CBFA2T3: variants seen among roughly 807,000 people sequenced by gnomAD.
The protein encoded by CBFA2T3 is CBFA2/RUNX1 partner transcriptional co-repressor 3.
A neutral mutation model predicts 58.6 loss-of-function variants in CBFA2T3; 31 were observed. The observed-to-expected ratio is 0.53, with a 90% CI of 0.40 to 0.71. CBFA2T3 has a LOEUF of 0.71. Among genes scored for constraint, CBFA2T3 ranks in the 30% least tolerant of loss-of-function variants. The probability of loss-of-function intolerance (pLI) is 0.00; values close to 1 mark genes in which losing one functional copy is unlikely to be tolerated. For synonymous variants in CBFA2T3, 531 were observed against 421.9 expected (o/e 1.26, Z -3.17); for missense variants, 1,076 against 963.1 (o/e 1.12, Z -1.55).
chr16:88,966,897 C>T (rs746361378), intron 1 of CBFA2T3, among the ~76,000 whole-genome samples: 56 of 152,354 alleles, frequency 3.7e-4, no homozygotes, highest in Admixed American at 9.1e-4. Flanking sequence ...CCCACACCCA[C>T]CCTGGACTCT....
chr16:88,899,135 G>A (rs987216123), intron 2 of CBFA2T3, among the ~76,000 whole-genome samples: 1 of 144,178 alleles, frequency 6.9e-6, no homozygotes, highest in African/African-American at 2.6e-5. Context: ...GGCTGTCACT[G>A]GGCAAGAGAA....
intron 1 of CBFA2T3, among the ~76,000 whole-genome samples, chr16:88,948,121 C>T (rs1011739013): frequency 2.0e-5 from 3 of 152,132 alleles, no homozygotes; most frequent in Admixed American, 6.5e-5. Context: ...TCGATCAGAA[C>T]GGGAGCTGTG....
chr16:88,972,570 G>A (rs1033186259), intron 1 of CBFA2T3, among the ~76,000 whole-genome samples: 3 of 152,224 alleles, frequency 2.0e-5, no homozygotes, highest in African/African-American at 7.2e-5. Context: ...TGACCCAGGA[G>A]GGATTCCAGG....
intron 5 of CBFA2T3, chr16:88,887,199 T>C (rs1026508336): frequency 6.6e-6 from 1 of 152,270 alleles, no homozygotes; most frequent in African/African-American, 2.4e-5. Flanking sequence ...TCCCCACGAG[T>C]GCATCCACCA....
In CBFA2T3 at chr16:88,891,944, G is replaced by A; in HGVS notation, c.649C>T (p.His217Tyr). ...TTGGTGGCCTCCTGAAGCTTGGAAT[G>A]AAACTCCTCGATCGTCAATGTCGAG... The part of the protein sequence containing the change: ...VNSTLTIEEF[H>Y]SKLQEATNFP... Residue 217 changes from histidine (H) to tyrosine (Y), a missense_variant, in exon 5 of 12, where the codon CAT (histidine) becomes TAT (tyrosine). Transcript: ENST00000268679. The A allele has an allele frequency of 1.9e-6, 3 of 1,613,346 alleles. No individual in the cohort carries two copies. The highest frequency in any genetic ancestry group is 2.2e-5 in the East Asian group (1 of 44,878).
intron 1 of CBFA2T3, among the ~76,000 whole-genome samples, chr16:88,928,013 C>T (rs1033648601): frequency 1.7e-4 from 26 of 152,318 alleles, no homozygotes; most frequent in Non-Finnish European, 3.1e-4. Flanking sequence ...CAGCGGCTCC[C>T]GGCACCCACC....
intron 1 of CBFA2T3, among the ~76,000 whole-genome samples, chr16:88,906,236 C>T (rs1970328360): frequency 6.6e-6 from 1 of 152,162 alleles, no homozygotes; most frequent in African/African-American, 2.4e-5. Flanking sequence ...ACAGGGGCAG[C>T]CTCGTCCTTC....
chr16:88,958,576 T>A lies in CBFA2T3; in HGVS notation c.151+18081A>T, dbSNP rs1243099585. Among the ~76,000 whole-genome samples the A allele has an allele frequency of 6.6e-6, 1 of 152,106 alleles. No homozygotes were observed. The highest frequency in any genetic ancestry group is 1.5e-5 in the Non-Finnish European group (1 of 67,998). ...GAAGCTGGTGGAGAGGTGTCCTTCCTATTTCTCAGATGGGGAGACTGAGGC... is the reference window on the plus strand; with the variant it reads ...GAAGCTGGTGGAGAGGTGTCCTTCCAATTTCTCAGATGGGGAGACTGAGGC... On this transcript the variant is annotated intron_variant, in intron 1 of 11. Coordinates refer to ENST00000268679, the MANE Select transcript of CBFA2T3 (RefSeq NM_005187.6). This position sits in a 1 kb window ranked among gnomAD's most constrained non-coding sequence, Gnocchi z 4.0.
intron 1 of CBFA2T3, chr16:88,941,174 C>A: frequency 1.0e-6 from 1 of 982,008 alleles, no homozygotes; most frequent in Non-Finnish European, 1.2e-6. Context: ...AGGCGCGCGG[C>A]GGGGCTGGGG....
At chr16:88,878,634 G>A (rs940097550) in intron 11 of CBFA2T3, among the ~76,000 whole-genome samples, 2 of 152,214 alleles carry the variant, frequency 1.3e-5, no homozygotes, top group Admixed American at 6.5e-5. Flanking sequence ...GGATCCTCCT[G>A]TTCTCACAGG....
At chr16:88,972,765 C>T (rs990228579) in intron 1 of CBFA2T3, among the ~76,000 whole-genome samples, 2 of 152,208 alleles carry the variant, frequency 1.3e-5, no homozygotes, top group East Asian at 1.9e-4. Context: ...AGGCTGGCTC[C>T]CCGACATGGA....
At chr16:88,937,444 CCA>C (rs749189924) in intron 1 of CBFA2T3, 1 of 152,800 alleles carries the variant, frequency 6.5e-6, no homozygotes, top group Non-Finnish European at 1.5e-5. Flanking sequence ...GGGTCCCAGC[CCA>C]CAGTGTGCAC....
intron 1 of CBFA2T3, among the ~76,000 whole-genome samples, chr16:88,935,748 CACT>C (rs1011127299): frequency 6.6e-5 from 10 of 152,208 alleles, no homozygotes; most frequent in African/African-American, 2.4e-4. Flanking sequence ...CCGCATCCAC[CACT>C]GAGCCTCAGG....
intron 3 of CBFA2T3, among the ~76,000 whole-genome samples, chr16:88,895,949 AG>A (rs370064269): frequency 1.7e-4 from 26 of 152,318 alleles, no homozygotes; most frequent in African/African-American, 5.3e-4. Flanking sequence ...GTGGGGCTCC[AG>A]GGACCAGAGG....
Position 88,885,129 on chromosome 16 carries a change from T to A in CBFA2T3, c.1034A>T (p.Glu345Val). ...QPTPPPHYRL[E>V]DIAMAHHFRD... ...GAAGTGGTGGGCCATGGCTATGTCC[T>A]CCAGGCGGTAGTGCGGCGGCGGTGT... The change falls in exon 7 of 12, where the codon GAG (glutamate) becomes GTG (valine). Residue 345 changes from glutamate to valine, a missense_variant. Glu to Val is a moderately radical substitution (Grantham distance 121). Transcript: ENST00000268679. This position sits in a 1 kb window ranked among gnomAD's most constrained non-coding sequence, Gnocchi z 5.3. 1 of 1,601,430 alleles carries A rather than the reference T, an allele frequency of 6.2e-7. No individual in the cohort carries two copies. Among genetic ancestry groups the A allele is most frequent in the South Asian group, 1.1e-5 (1 of 90,568 alleles).
At position 88,894,225 on chromosome 16, in the gene CBFA2T3, T is replaced by C. The variant is rs3927947; in HGVS notation, c.380-1740A>G. On this transcript the variant is annotated intron_variant, in intron 3 of 11. Transcript: ENST00000268679. ...CAATGTACACACATGCACGCACACA[T>C]GCACACACACATGCATACATATACA... Among the ~76,000 whole-genome samples the C allele has an allele frequency of 7.5e-3, 820 of 109,754 alleles. 4 individuals are homozygous for C. The highest frequency in any genetic ancestry group is 0.01 in the East Asian group (36 of 3,566). The allele number at this position is 109,754 out of a possible 152,430, so 72.0% of individuals were successfully genotyped here.
chr16:88,954,356 A>AC (rs1345665666), intron 1 of CBFA2T3, among the ~76,000 whole-genome samples: 1 of 142,058 alleles, frequency 7.0e-6, no homozygotes, highest in African/African-American at 2.9e-5. Flanking sequence ...AAGGCTCCTG[A>AC]CCTCACCCAA....
At chr16:88,955,996 GCCAAGGCTCCTGACCCCAC>G in intron 1 of CBFA2T3, among the ~76,000 whole-genome samples, 1 of 123,154 alleles carries the variant, frequency 8.1e-6, no homozygotes, top group Non-Finnish European at 1.7e-5. Flanking sequence ...CCTGACCCCA[GCCAAGGCTCCTGACCCCAC>G]CCAAGGATCC....
intron 1 of CBFA2T3, chr16:88,951,666 A>C: frequency 5.7e-6 from 2 of 350,520 alleles, no homozygotes; most frequent in South Asian, 2.3e-5. Flanking sequence ...ACAGTCATGC[A>C]GGCAGCCGCG....
Sources: gnomAD v4.1 joint callset for allele counts (sites outside exome capture counted in the v4.1 genomes callset) on GRCh38, gnomAD v4.1.1 for gene constraint, Gnocchi (gnomAD v3.1) non-coding constraint, MANE v1.5 for transcripts, NCBI Gene and HGNC (gene_info 2026-07-23, HGNC 2026-07-21) for gene names.